Variants in MAP3K10 observed in about 807,000 individuals in gnomAD.
MAP3K10 encodes MKN28 derived nonreceptor_type serine/threonine kinase.
A neutral mutation model predicts 75.0 loss-of-function variants in MAP3K10; 22 were observed. That is an observed-to-expected ratio of 0.29 (90% CI 0.21 to 0.42). The LOEUF (loss-of-function observed/expected upper bound fraction) is 0.42. Ranked by LOEUF, MAP3K10 falls within the 10% of genes least tolerant of loss-of-function variation. The probability of loss-of-function intolerance (pLI) is 1.00; values close to 1 mark genes in which losing one functional copy is unlikely to be tolerated. For synonymous variants in MAP3K10, 599 were observed against 612.9 expected (o/e 0.98, Z 0.34); for missense variants, 1,165 against 1,379.8 (o/e 0.84, Z 2.47).
At chr19:40,208,154 G>A (rs1973157282) in intron 5 of MAP3K10, among the ~76,000 whole-genome samples, 1 of 151,668 alleles carries the variant, frequency 6.6e-6, no homozygotes, top group Non-Finnish European at 1.5e-5. Flanking sequence ...CCTGTTTTTT[G>A]TTGTTTGTTT....
chr19:40,214,007 A>ACCC lies in MAP3K10; in HGVS notation c.2330_2331insCCC (p.Pro778dup). The stretch of plus-strand genomic sequence containing the variant: ...AGGCCGCACCGGCCGCGCCCTCCCC[A>ACCC]CCACCCTCCCCGCCCGCGCCCACAC... On this transcript the variant is annotated inframe_insertion, in exon 9 of 10. Transcript: ENST00000253055. 2 of 512,940 alleles carry ACCC rather than the reference A, an allele frequency of 3.9e-6. No individual in the cohort carries two copies. Among genetic ancestry groups the ACCC allele is most frequent in the Non-Finnish European group, 5.4e-6 (2 of 369,900 alleles). The allele number at this position is 512,940 out of a possible 1,614,324, so 31.8% of individuals were successfully genotyped here.
chr19:40,198,839 G>A lies in MAP3K10; in HGVS notation c.863+284G>A, dbSNP rs2145074511. On this transcript the variant is annotated intron_variant, in intron 2 of 9. Coordinates refer to ENST00000253055, the MANE Select transcript of MAP3K10 (RefSeq NM_002446.4). This position sits in a 1 kb window ranked among gnomAD's most constrained non-coding sequence, Gnocchi z 4.3. ...TCCCAGCACTTTGGGAGGCCGAGGTGGGCGGATCACTTGAGGTCAGGAGTT... is the reference window on the plus strand; with the variant it reads ...TCCCAGCACTTTGGGAGGCCGAGGTAGGCGGATCACTTGAGGTCAGGAGTT... Among the ~76,000 whole-genome samples, 1 of 152,350 alleles carries A rather than the reference G, an allele frequency of 6.6e-6. No homozygotes were observed. Among genetic ancestry groups the A allele is most frequent in the East Asian group, 1.9e-4 (1 of 5,178 alleles).
rs758336298 is a variant in MAP3K10, at chr19:40,214,138, C to A, written c.2459C>A (p.Ala820Asp). Residue 820 changes from alanine to aspartate, a missense_variant, in exon 9 of 10, where the codon GCT becomes GAT. Ala to Asp is a moderately radical substitution (Grantham distance 126). Transcript: ENST00000253055. ...LTPTHVTAAC[A>D]VSRGHRRTPS... ...CCCACCCACGTCACGGCTGCATGCG[C>A]TGTGAGCCGCGGGCACCGGCGGACG... 6.5e-7 allele frequency: 1 copy of A among 1,549,766 alleles called. No homozygotes were observed. Among genetic ancestry groups the A allele is most frequent in the South Asian group, 1.2e-5 (1 of 84,600 alleles).
In MAP3K10 at chr19:40,198,537, A is replaced by G. The variant is rs1972958245; in HGVS notation, c.845A>G (p.Lys282Arg). 6.2e-7 allele frequency: 1 copy of G among 1,612,674 alleles called. No individual in the cohort carries two copies. The highest frequency in any genetic ancestry group is 1.7e-5 in the Admixed American group (1 of 59,874). ...PEVIRLSLFS[K>R]SSDVWSFGVL... Reference sequence around the variant, plus strand: ...GTTATCCGTCTCTCCCTCTTCTCCAAAAGCAGTGATGTCTGGAGGTGCTGA... The same window carrying G: ...GTTATCCGTCTCTCCCTCTTCTCCAGAAGCAGTGATGTCTGGAGGTGCTGA... Residue 282 changes from lysine to arginine, a missense_variant, in exon 2 of 10, where the codon AAA (lysine) becomes AGA (arginine). Lys to Arg is a conservative substitution (Grantham distance 26). Coordinates refer to ENST00000253055, the MANE Select transcript of MAP3K10 (RefSeq NM_002446.4). This position sits in a 1 kb window ranked among gnomAD's most constrained non-coding sequence, Gnocchi z 4.3.
At chr19:40,200,060 C>T (rs1972988526) in intron 2 of MAP3K10, among the ~76,000 whole-genome samples, 1 of 151,932 alleles carries the variant, frequency 6.6e-6, no homozygotes, top group Admixed American at 6.6e-5. Context: ...TTTGGGAGGC[C>T]GAGGTGGGTG....
Position 40,213,947 on chromosome 19 carries a change from C to G in MAP3K10, c.2268C>G (p.Asn756Lys). The change falls in exon 9 of 10, where the codon AAC (asparagine) becomes AAG (lysine). Residue 756 changes from asparagine (N) to lysine (K), a missense_variant. By Grantham distance (94) the Asn-to-Lys change is moderately conservative. This residue lies in a region of MAP3K10 where 590 missense variants were observed against 586.6 expected (regional missense o/e 1.01). Coordinates refer to ENST00000253055, the MANE Select transcript of MAP3K10 (RefSeq NM_002446.4). The surrounding 1 kb of genome is among the most constrained non-coding windows in gnomAD (Gnocchi z 5.7). Reference protein sequence around the residue: ...LVSLSSVSDCNSTRSLLRSDS... With the variant: ...LVSLSSVSDCKSTRSLLRSDS... Reference sequence around the variant, plus strand: ...CGCTGTCGTCCGTGTCCGACTGCAACTCCACGCGTTCACTGCTGCGCTCTG... The same window carrying G: ...CGCTGTCGTCCGTGTCCGACTGCAAGTCCACGCGTTCACTGCTGCGCTCTG... 1 of 1,532,646 alleles carries G rather than the reference C, an allele frequency of 6.5e-7. No individual in the cohort carries two copies. Among genetic ancestry groups the G allele is most frequent in the Non-Finnish European group, 8.7e-7 (1 of 1,147,420 alleles). 94.9% of individuals were successfully genotyped at this position (1,532,646 alleles called of 1,614,324 possible). A position where few individuals can be genotyped will look rare whatever the true frequency, so the allele number is the denominator to read the frequency against.
chr19:40,214,002 T>G lies in MAP3K10; in HGVS notation c.2323T>G (p.Ser775Ala). 148 of 1,493,326 alleles carry G rather than the reference T, an allele frequency of 9.9e-5. No individual in the cohort carries two copies. Among genetic ancestry groups the G allele is most frequent in the East Asian group, 2.1e-4 (8 of 37,768 alleles). The allele number at this position is 1,493,326 out of a possible 1,614,324, so 92.5% of individuals were successfully genotyped here. A position where few individuals can be genotyped will look rare whatever the true frequency, so the allele number is the denominator to read the frequency against. The change falls in exon 9 of 10, where the codon TCC (serine) becomes GCC (alanine). Residue 775 changes from serine to alanine, a missense_variant. Transcript: ENST00000253055. ...TGACGAGGCCGCACCGGCCGCGCCC[T>G]CCCCACCACCCTCCCCGCCCGCGCC... ...DSDEAAPAAP[S>A]PPPSPPAPTP... is the part of the protein sequence containing the mutation.
rs2145083676 is a variant in MAP3K10 at position 40,204,435 on chromosome 19, G to A, written c.864-50G>A. The A allele has an allele frequency of 6.3e-7, 1 of 1,586,664 alleles. No individual in the cohort carries two copies. The highest frequency in any genetic ancestry group is 8.6e-7 in the Non-Finnish European group (1 of 1,167,972). On this transcript the variant is annotated intron_variant, in intron 2 of 9. Coordinates refer to ENST00000253055, the MANE Select transcript of MAP3K10 (RefSeq NM_002446.4). The surrounding 1 kb of genome is among the most constrained non-coding windows in gnomAD (Gnocchi z 4.3). ...ACCAAGGGCAGGGCTGGGTATAGGTGAGGATTGGGGTGGGCTGCGACATCA... is the reference window on the plus strand; with the variant it reads ...ACCAAGGGCAGGGCTGGGTATAGGTAAGGATTGGGGTGGGCTGCGACATCA...
intron 9 of MAP3K10, among the ~76,000 whole-genome samples, 194 bp downstream of exon 9, chr19:40,214,415 A>C (rs1239824733): frequency 6.6e-6 from 1 of 152,190 alleles, no homozygotes; most frequent in African/African-American, 2.4e-5. Context: ...CACAGGCGGC[A>C]AACTGATGCC....
chr19:40,191,906 C>T lies in MAP3K10; in HGVS notation c.-126C>T, dbSNP rs1021538307. The T allele has an allele frequency of 1.9e-6, 1 of 524,808 alleles. No individual in the cohort carries two copies. Among genetic ancestry groups the T allele is most frequent in the African/African-American group, 2.0e-5 (1 of 49,588 alleles). The allele number at this position is 524,808 out of a possible 1,614,324, so 32.5% of individuals were successfully genotyped here. ...TTGCTCCTGCGGAGGGCGCCCCAGCCATGGCCCTCAGGAGCTCCCTAGACC... is the reference window on the plus strand; with the variant it reads ...TTGCTCCTGCGGAGGGCGCCCCAGCTATGGCCCTCAGGAGCTCCCTAGACC... On this transcript the variant is annotated 5_prime_UTR_variant, in exon 1 of 10. Coordinates refer to ENST00000253055, the MANE Select transcript of MAP3K10 (RefSeq NM_002446.4).
intron 9 of MAP3K10, among the ~76,000 whole-genome samples, chr19:40,214,749 G>A (rs1278848174): frequency 6.6e-6 from 1 of 152,084 alleles, no homozygotes; most frequent in African/African-American, 2.4e-5. Flanking sequence ...AGAAGGTTGA[G>A]GAACATGCCA....
At chr19:40,214,265 TTCC>T (rs1180495401) in intron 9 of MAP3K10, 44 bp downstream of exon 9, 2 of 1,361,640 alleles carry the variant, frequency 1.5e-6, no homozygotes, top group African/African-American at 3.1e-5. Flanking sequence ...AACCCCTTCT[TTCC>T]TCCTCTGCCA....
chr19:40,209,248 C>A, intron 6 of MAP3K10, 29 bp downstream of exon 6: 1 of 1,563,942 alleles, frequency 6.4e-7, no homozygotes, highest in South Asian at 1.1e-5. Flanking sequence ...CCTGACCAGT[C>A]AGTCAGTCAG....
At position 40,214,028 on chromosome 19, in the gene MAP3K10, C is replaced by A; in HGVS notation, c.2349C>A (p.Pro783=). 1 of 1,525,622 alleles carries A rather than the reference C, an allele frequency of 6.6e-7. No individual in the cohort carries two copies. The highest frequency in any genetic ancestry group is 8.8e-7 in the Non-Finnish European group (1 of 1,141,966). 94.5% of individuals were successfully genotyped at this position (1,525,622 alleles called of 1,614,324 possible). Residue 783 remains proline (P), a synonymous_variant, in exon 9 of 10, where the codon CCC becomes CCA. Coordinates refer to ENST00000253055, the MANE Select transcript of MAP3K10 (RefSeq NM_002446.4). The part of the protein sequence containing the change: ...APSPPPSPPA[P]TPTPSPSTNP... ...CCCCACCACCCTCCCCGCCCGCGCC[C>A]ACACCCACGCCCTCGCCCAGCACCA...
intron 5 of MAP3K10, among the ~76,000 whole-genome samples, chr19:40,207,566 T>A (rs1394627643): frequency 6.6e-6 from 1 of 151,954 alleles, no homozygotes; most frequent in Non-Finnish European, 1.5e-5. Flanking sequence ...AGAAACCCCA[T>A]CTCTACTAAA....
In MAP3K10 at chr19:40,192,354, G is replaced by C; in HGVS notation, c.323G>C (p.Gly108Ala). The change falls in exon 1 of 10, where the codon GGC becomes GCC. Residue 108 changes from glycine (G) to alanine (A), a missense_variant. This residue lies in a region of MAP3K10 where 575 missense variants were observed against 793.2 expected (regional missense o/e 0.72). Coordinates refer to ENST00000253055, the MANE Select transcript of MAP3K10 (RefSeq NM_002446.4). The surrounding 1 kb of genome is among the most constrained non-coding windows in gnomAD (Gnocchi z 7.1). ...LQLEEIIGVG[G>A]FGKVYRALWR... is the part of the protein sequence containing the mutation. ...CTAGAGGAGATCATCGGTGTGGGGG[G>C]CTTTGGCAAGGTCTATCGGGCCCTG... 1 of 1,613,538 alleles carries C rather than the reference G, an allele frequency of 6.2e-7. No individual in the cohort carries two copies.
At chr19:40,195,471 C>CCTT (rs1972888120) in intron 1 of MAP3K10, among the ~76,000 whole-genome samples, 1 of 48,656 alleles carries the variant, frequency 2.1e-5, no homozygotes, top group Non-Finnish European at 4.4e-5. Context: ...CCCGCCCGGC[C>CCTT]TTTTTTTTTT....
intron 2 of MAP3K10, among the ~76,000 whole-genome samples, chr19:40,202,339 C>A (rs1973041982): frequency 6.6e-6 from 1 of 152,200 alleles, no homozygotes; most frequent in African/African-American, 2.4e-5. Context: ...CGCGCCCGGC[C>A]TCATTTTCTT....
At chr19:40,208,366 T>TTTTTTTTTA (rs1408319138) in intron 5 of MAP3K10, among the ~76,000 whole-genome samples, 1 of 131,482 alleles carries the variant, frequency 7.6e-6, no homozygotes, top group African/African-American at 2.8e-5. Context: ...TTTTTTTTTT[T>TTTTTTTTTA]TTTGTATTTT....
Sources: gnomAD v4.1 joint callset for allele counts (sites outside exome capture counted in the v4.1 genomes callset) on GRCh38, gnomAD v4.1.1 for gene constraint, gnomAD v4.1.1 regional missense constraint, Gnocchi (gnomAD v3.1) non-coding constraint, MANE v1.5 for transcripts, NCBI Gene and HGNC (gene_info 2026-07-23, HGNC 2026-07-21) for gene names.